The following CACNA2D3 variants were observed in gnomAD, a reference collection of about 807,000 sequenced individuals.
CACNA2D3 encodes the protein calcium voltage-gated channel auxiliary subunit alpha2delta 3.
Under a neutral mutation model 160.6 loss-of-function variants are expected in CACNA2D3, and 60 were observed. The observed-to-expected ratio is 0.37, with a 90% CI of 0.30 to 0.46. The LOEUF (loss-of-function observed/expected upper bound fraction) is 0.46. Ranked by LOEUF, CACNA2D3 falls within the 20% of genes least tolerant of loss-of-function variation. The pLI, the probability that CACNA2D3 is intolerant of heterozygous loss-of-function variation, is 1.00. For synonymous variants in CACNA2D3, 558 were observed against 492.9 expected (o/e 1.13, Z -1.75); for missense variants, 1,205 against 1,365.0 (o/e 0.88, Z 1.85).
chr3:54,904,684 G>T (rs1700414862), intron 27 of CACNA2D3, among the ~76,000 whole-genome samples: 1 of 152,050 alleles, frequency 6.6e-6, no homozygotes, highest in South Asian at 2.1e-4. Flanking sequence ...AAGTACAAGG[G>T]CTAACATACG....
chr3:54,952,014 A>G (rs907527622), intron 27 of CACNA2D3, among the ~76,000 whole-genome samples: 1 of 151,958 alleles, frequency 6.6e-6, no homozygotes, highest in South Asian at 2.1e-4. Flanking sequence ...ATACCTGGCT[A>G]ATTTTTGTCT....
chr3:54,259,862 A>T (rs1028051742), intron 2 of CACNA2D3, among the ~76,000 whole-genome samples: 46 of 152,368 alleles, frequency 3.0e-4, no homozygotes, highest in African/African-American at 1.1e-3. Context: ...AAAGCCCTGC[A>T]TTCTAGCTGT....
intron 27 of CACNA2D3, among the ~76,000 whole-genome samples, chr3:54,920,079 T>G (rs1418044833): frequency 6.6e-6 from 1 of 152,232 alleles, no homozygotes; most frequent in Non-Finnish European, 1.5e-5. Flanking sequence ...CCGAAAAGAC[T>G]GGCACTGCAG....
At chr3:54,680,793 C>G (rs541241649) in intron 11 of CACNA2D3, among the ~76,000 whole-genome samples, 2 of 152,202 alleles carry the variant, frequency 1.3e-5, no homozygotes, top group South Asian at 2.1e-4. Flanking sequence ...AGGGTTATAG[C>G]TATGTTGCTG....
At chr3:54,178,055 T>C (rs185844598) in intron 2 of CACNA2D3, among the ~76,000 whole-genome samples, 17 of 152,214 alleles carry the variant, frequency 1.1e-4, no homozygotes, top group Admixed American at 3.3e-4. Flanking sequence ...TCCATAGAGA[T>C]GGAAGCAAAA....
Position 54,885,469 on chromosome 3 carries a change from G to A in CACNA2D3, c.1959-20G>A, listed in dbSNP as rs770131930. ...GTAAATATTGACATGCTCTTGTTTT[G>A]GGCCATGTCATGTTCTTAGGTCCTA... is the stretch of plus-strand genomic sequence containing the variant. On this transcript the variant is annotated intron_variant, in intron 22 of 37. Transcript: ENST00000474759. 3.1e-6 allele frequency: 5 copies of A among 1,606,174 alleles called. No individual in the cohort carries two copies. The highest frequency in any genetic ancestry group is 4.3e-6 in the Non-Finnish European group (5 of 1,173,070).
chr3:54,491,588 T>A (rs972982562), intron 4 of CACNA2D3, among the ~76,000 whole-genome samples: 4 of 152,148 alleles, frequency 2.6e-5, no homozygotes, highest in Admixed American at 1.3e-4. Context: ...GATTATGTGC[T>A]CTCACCTGAA....
At chr3:54,707,209 T>C (rs960364827) in intron 11 of CACNA2D3, among the ~76,000 whole-genome samples, 3 of 152,216 alleles carry the variant, frequency 2.0e-5, no homozygotes, top group Non-Finnish European at 2.9e-5. Flanking sequence ...CCAAAACATA[T>C]GTAATGAATT....
intron 2 of CACNA2D3, among the ~76,000 whole-genome samples, chr3:54,170,017 G>A (rs1430027539): frequency 2.0e-5 from 3 of 151,810 alleles, no homozygotes; most frequent in Non-Finnish European, 4.4e-5. Context: ...GTGAAACTCC[G>A]TCACTACTAA....
intron 13 of CACNA2D3, among the ~76,000 whole-genome samples, chr3:54,772,485 C>G (rs191370853): frequency 2.7e-5 from 4 of 146,502 alleles, no homozygotes; most frequent in Admixed American, 1.4e-4. Context: ...TTGCATTTAA[C>G]CAATTCTAGA....
rs940641186 is a variant in CACNA2D3, at chr3:54,996,491, G to A, written c.2691-8272G>A. On this transcript the variant is annotated intron_variant, in intron 31 of 37. Transcript: ENST00000474759. ...GAGCAAAGCAAATGCGGTTGGTAGA[G>A]CAACATCCGCTCTGAGTGGGGACAG... Among the ~76,000 whole-genome samples, 22 of 152,178 alleles carry A rather than the reference G, an allele frequency of 1.4e-4. 1 individual carries two copies. The highest frequency in any genetic ancestry group is 3.9e-4 in the East Asian group (2 of 5,190).
chr3:54,330,087 C>G (rs1468966969), intron 3 of CACNA2D3, among the ~76,000 whole-genome samples: 2 of 152,146 alleles, frequency 1.3e-5, no homozygotes, highest in Non-Finnish European at 2.9e-5. Flanking sequence ...TGTTAAAAAT[C>G]AGCTGGGATA....
intron 2 of CACNA2D3, among the ~76,000 whole-genome samples, chr3:54,172,077 C>T (rs1700583953): frequency 6.6e-6 from 1 of 152,238 alleles, no homozygotes; most frequent in African/African-American, 2.4e-5. Context: ...TGCGAGCACT[C>T]CTTTGCACAG....
intron 27 of CACNA2D3, among the ~76,000 whole-genome samples, chr3:54,916,037 G>A (rs1575368757): frequency 6.6e-6 from 1 of 152,180 alleles, no homozygotes; most frequent in East Asian, 1.9e-4. Flanking sequence ...GACCTCCACT[G>A]TCACCAAACC....
intron 5 of CACNA2D3, among the ~76,000 whole-genome samples, chr3:54,552,592 A>G (rs1386592229): frequency 6.6e-6 from 1 of 152,162 alleles, no homozygotes; most frequent in Non-Finnish European, 1.5e-5. Context: ...AGATTTCCTC[A>G]TCTGTAAAAT....
At chr3:54,452,341 C>T (rs754407234) in intron 4 of CACNA2D3, among the ~76,000 whole-genome samples, 2 of 152,124 alleles carry the variant, frequency 1.3e-5, no homozygotes, top group African/African-American at 2.4e-5. Context: ...GGGGAAATTG[C>T]CCCCCATGAT....
intron 35 of CACNA2D3, among the ~76,000 whole-genome samples, chr3:55,026,372 C>T (rs1279697797): frequency 6.6e-6 from 1 of 152,316 alleles, no homozygotes; most frequent in African/African-American, 2.4e-5. Flanking sequence ...CTGCTTGCAT[C>T]CCAGACACTG....
At chr3:54,878,078 G>T (rs1426390023) in intron 18 of CACNA2D3, among the ~76,000 whole-genome samples, 2 of 152,162 alleles carry the variant, frequency 1.3e-5, no homozygotes, top group Non-Finnish European at 2.9e-5. Flanking sequence ...CAGAAGATGA[G>T]AATGCAAACC....
At chr3:54,539,671 C>A (rs749572462) in intron 5 of CACNA2D3, among the ~76,000 whole-genome samples, 1 of 152,196 alleles carries the variant, frequency 6.6e-6, no homozygotes, top group Non-Finnish European at 1.5e-5. Context: ...GAATAGTCAT[C>A]TCTGTTTTCA....
Sources: allele counts gnomAD v4.1 joint callset (sites outside exome capture counted in the v4.1 genomes callset), GRCh38; gene constraint gnomAD v4.1.1; transcripts MANE v1.5; gene names NCBI Gene and HGNC (gene_info 2026-07-23, HGNC 2026-07-21).